RRM2B: variants seen among roughly 807,000 people sequenced by gnomAD.
RRM2B encodes the protein ribonucleoside-diphosphate reductase subunit M2 B.
RRM2B carries 20 observed loss-of-function variants against 45.9 expected under a neutral mutation model. The ratio of observed to expected loss-of-function variants is 0.44; its 90% CI spans 0.31 to 0.63. The LOEUF (loss-of-function observed/expected upper bound fraction) is 0.63. Among genes scored for constraint, RRM2B ranks in the 30% least tolerant of loss-of-function variants. The probability of loss-of-function intolerance (pLI) is 0.09; values close to 1 mark genes in which losing one functional copy is unlikely to be tolerated. For synonymous variants in RRM2B, 124 were observed against 132.3 expected (o/e 0.94, Z 0.43); for missense variants, 320 against 414.7 (o/e 0.77, Z 1.98).
At chr8:102,216,944 G>T (rs1264656464) in intron 6 of RRM2B, among the ~76,000 whole-genome samples, 1 of 152,008 alleles carries the variant, frequency 6.6e-6, no homozygotes, top group Non-Finnish European at 1.5e-5. Context: ...AAATCTGCAA[G>T]TAAGTATGTA....
intron 7 of RRM2B, 147 bp downstream of exon 7, chr8:102,213,907 T>C (rs1423980709): frequency 3.1e-6 from 2 of 654,192 alleles, no homozygotes; most frequent in African/African-American, 1.8e-5. Context: ...ATAATTGTAA[T>C]ATATCATGTA....
At chr8:102,224,850 T>TA in intron 4 of RRM2B, 35 bp downstream of exon 4, 1 of 1,603,278 alleles carries the variant, frequency 6.2e-7, no homozygotes, top group Non-Finnish European at 8.5e-7. Flanking sequence ...AACCAAGCCG[T>TA]AAGCAATATT....
chr8:102,227,280 C>G (rs1055279613), intron 2 of RRM2B, among the ~76,000 whole-genome samples: 1 of 152,090 alleles, frequency 6.6e-6, no homozygotes, highest in Admixed American at 6.6e-5. Flanking sequence ...TTTGGTGAAA[C>G]CTACAATTTA....
Position 102,238,957 on chromosome 8 carries a change from C to G in RRM2B, c.-83G>C. On this transcript the variant is annotated 5_prime_UTR_variant, in exon 1 of 9. Coordinates refer to ENST00000251810, the MANE Select transcript of RRM2B (RefSeq NM_015713.5). ...CCAACTACGACAGCACCCAGGTGGT[C>G]CGCTGGTCCGCTGGGTCCGCCCCGC... is the stretch of plus-strand genomic sequence containing the variant. 1 of 1,429,256 alleles carries G rather than the reference C, an allele frequency of 7.0e-7. No individual in the cohort carries two copies. The highest frequency in any genetic ancestry group is 9.7e-7 in the Non-Finnish European group (1 of 1,033,912). 88.5% of individuals were successfully genotyped at this position (1,429,256 alleles called of 1,614,324 possible).
intron 3 of RRM2B, among the ~76,000 whole-genome samples, chr8:102,225,228 CT>C (rs918693739): frequency 0.11 from 9,835 of 87,570 alleles, 130 homozygotes; most frequent in East Asian, 0.29. Flanking sequence ...ATAGTATATT[CT>C]TTTTTTTTTT....
intron 6 of RRM2B, among the ~76,000 whole-genome samples, chr8:102,215,045 T>TAAAAAAAAAAAAAAAAAAAAAAAAAAAAA (rs3063793): frequency 1.6e-5 from 1 of 61,778 alleles, no homozygotes; most frequent in Non-Finnish European, 3.0e-5. Context: ...AGCTAAATAT[T>TAAAAAAAAAAAAAAAAAAAAAAAAAAAAA]AAAAAAAAAA....
intron 3 of RRM2B, 80 bp downstream of exon 3, chr8:102,225,838 C>T (rs1255724175): frequency 2.4e-6 from 2 of 836,520 alleles, no homozygotes; most frequent in African/African-American, 1.7e-5. Context: ...TTGTCTTTGG[C>T]TGAATTTAAT....
chr8:102,213,052 A>C (rs1810662820), intron 7 of RRM2B, among the ~76,000 whole-genome samples, 163 bp from the exon 8 acceptor site: 1 of 152,236 alleles, frequency 6.6e-6, no homozygotes, highest in South Asian at 2.1e-4. Context: ...GTATATTTAA[A>C]AACATTTGGG....
At chr8:102,219,543 A>C (rs1396041179) in intron 5 of RRM2B, among the ~76,000 whole-genome samples, 1 of 152,220 alleles carries the variant, frequency 6.6e-6, no homozygotes, top group Non-Finnish European at 1.5e-5. Context: ...TCTGCTAAAT[A>C]CAAAATGGCC....
intron 8 of RRM2B, among the ~76,000 whole-genome samples, chr8:102,210,653 G>A (rs974167573): frequency 6.6e-6 from 1 of 152,142 alleles, no homozygotes; most frequent in African/African-American, 2.4e-5. Context: ...AGTAGAGACA[G>A]GGTTTCACCA....
At chr8:102,217,344 TGAG>T (rs1327485609) in intron 6 of RRM2B, among the ~76,000 whole-genome samples, 31 of 152,274 alleles carry the variant, frequency 2.0e-4, no homozygotes, top group Admixed American at 8.5e-4. Flanking sequence ...CTCTCTGTGT[TGAG>T]ATTAATTTTT....
rs200209308 is a variant in RRM2B at position 102,208,524 on chromosome 8, G to GA, written c.904-240dup. ...AGCATCTCTGGTATTCTAATAAATAGAAAAAAAAACACAACTATTTCAGGA... is the reference window on the plus strand; with the variant it reads ...AGCATCTCTGGTATTCTAATAAATAGAAAAAAAAAACACAACTATTTCAGGA... On this transcript the variant is annotated intron_variant, in intron 8 of 8. Transcript: ENST00000251810. Among the ~76,000 whole-genome samples, 2,381 of 148,604 alleles carry GA rather than the reference G, an allele frequency of 0.016. 29 individuals carry two copies. Among genetic ancestry groups the GA allele is most frequent in the Middle Eastern group, 0.041 (12 of 290 alleles).
At chr8:102,218,396 A>C (rs16869282) in intron 6 of RRM2B, among the ~76,000 whole-genome samples, 1 of 152,118 alleles carries the variant, frequency 6.6e-6, no homozygotes, top group African/African-American at 2.4e-5. Flanking sequence ...CAGGATACTC[A>C]TGTCACCACA....
intron 3 of RRM2B, among the ~76,000 whole-genome samples, chr8:102,225,544 T>C (rs960019554): frequency 6.6e-6 from 1 of 152,188 alleles, no homozygotes; most frequent in African/African-American, 2.4e-5. Flanking sequence ...TCTTTCTAAT[T>C]CTTTTTAAAA....
In RRM2B at chr8:102,205,032, A is replaced by G. The variant is rs1810520433; in HGVS notation, c.*3101T>C. The stretch of plus-strand genomic sequence containing the variant: ...GAGCACTTAAAGGGAAATGGTGGGA[A>G]ACAAAGAGATTTCAATTCTGTGCCA... On this transcript the variant is annotated 3_prime_UTR_variant, in exon 9 of 9. Transcript: ENST00000251810. 1 of 152,206 alleles carries G rather than the reference A, an allele frequency of 6.6e-6. No homozygotes were observed. 9.4% of individuals were successfully genotyped at this position (152,206 alleles called of 1,614,324 possible). A position where few individuals can be genotyped will look rare whatever the true frequency, so the allele number is the denominator to read the frequency against.
chr8:102,210,126 T>C (rs974133063), intron 8 of RRM2B, among the ~76,000 whole-genome samples: 1 of 152,224 alleles, frequency 6.6e-6, no homozygotes, highest in Non-Finnish European at 1.5e-5. Flanking sequence ...CTAAAAACTA[T>C]TGAATTGTAC....
intron 7 of RRM2B, 91 bp from the exon 8 acceptor site, chr8:102,212,980 G>A: frequency 2.7e-6 from 2 of 739,218 alleles, no homozygotes; most frequent in Admixed American, 4.1e-5. Flanking sequence ...TTATTTCTAA[G>A]ACTGATTTTG....
intron 1 of RRM2B, 132 bp from the exon 2 acceptor site, chr8:102,232,436 T>A: frequency 1.2e-6 from 1 of 847,148 alleles, no homozygotes; most frequent in Non-Finnish European, 2.0e-6. Context: ...GAATCCTTAC[T>A]GTTACCTGGT....
chr8:102,208,389 C>A, intron 8 of RRM2B, 104 bp from the exon 9 acceptor site: 1 of 833,598 alleles, frequency 1.2e-6, no homozygotes, highest in Non-Finnish European at 2.0e-6. Flanking sequence ...CAAAACCTAT[C>A]TAGTCAGCTA....
Sources: allele counts gnomAD v4.1 joint callset (sites outside exome capture counted in the v4.1 genomes callset), GRCh38; gene constraint gnomAD v4.1.1; transcripts MANE v1.5; gene names NCBI Gene and HGNC (gene_info 2026-07-23, HGNC 2026-07-21).